NOL4: variants seen among roughly 807,000 people sequenced by gnomAD.
The protein encoded by NOL4 is cancer/testis antigen 125.
A neutral mutation model predicts 75.9 loss-of-function variants in NOL4; 17 were observed. The observed-to-expected ratio is 0.22, with a 90% CI of 0.15 to 0.34. The LOEUF (loss-of-function observed/expected upper bound fraction) is 0.34. NOL4 is among the 10% of genes least tolerant of loss of function. The pLI is 1.00. For missense variants in NOL4, 614 were observed against 793.5 expected, an observed-to-expected ratio of 0.77 and a Z score of 2.72; for synonymous variants, 292 against 289.9, an observed-to-expected ratio of 1.01 and a Z score of -0.07.
chr18:34,027,063 T>C (rs1484876530), intron 5 of NOL4, among the ~76,000 whole-genome samples: 2 of 152,212 alleles, frequency 1.3e-5, no homozygotes, highest in South Asian at 2.1e-4. Flanking sequence ...CTTAATGACA[T>C]GTGTCGCATT....
rs1166897772 is a variant in NOL4 at position 33,957,391 on chromosome 18, C to A, written c.1363G>T (p.Ala455Ser). 1 of 1,613,742 alleles carries A rather than the reference C, an allele frequency of 6.2e-7. No homozygotes were observed. Among genetic ancestry groups the A allele is most frequent in the Admixed American group, 1.7e-5 (1 of 59,978 alleles). ...AGGTAAGTACGTATACGTTTTCTGG[C>A]ACGCTCTTGATACTCAGGGAATTGT... ...RRQFPEYQER[A>S]RKRIRTYLKS... The change falls in exon 8 of 11, where the codon GCC becomes TCC. Residue 455 changes from alanine (A) to serine (S), a missense_variant. Ala to Ser is a moderately conservative substitution (Grantham distance 99, BLOSUM62 1). Transcript: ENST00000261592.
chr18:33,984,471 T>C (rs2072266805), intron 6 of NOL4, among the ~76,000 whole-genome samples: 1 of 152,056 alleles, frequency 6.6e-6, no homozygotes, highest in Admixed American at 6.6e-5. Flanking sequence ...TGGGGCCTGG[T>C]GGGAGGTGAC....
At chr18:33,858,318 A>G (rs1226715612) in intron 10 of NOL4, among the ~76,000 whole-genome samples, 2 of 151,878 alleles carry the variant, frequency 1.3e-5, no homozygotes, top group African/African-American at 4.8e-5. Context: ...AGGCCATTTC[A>G]TTTCTTATTT....
intron 1 of NOL4, among the ~76,000 whole-genome samples, chr18:34,147,047 G>A (rs776373703): frequency 3.0e-4 from 45 of 152,122 alleles, no homozygotes; most frequent in Admixed American, 1.3e-4. Context: ...AGGAATGCTT[G>A]TGATTTTTGC....
chr18:34,012,174 G>T (rs17816647), intron 6 of NOL4, among the ~76,000 whole-genome samples: 1 of 151,744 alleles, frequency 6.6e-6, no homozygotes, highest in Non-Finnish European at 1.5e-5. Flanking sequence ...AAAGGACACT[G>T]ATTTGGGTGT....
intron 6 of NOL4, among the ~76,000 whole-genome samples, chr18:33,987,802 G>C (rs1241867602): frequency 2.0e-5 from 3 of 152,044 alleles, no homozygotes; most frequent in Non-Finnish European, 4.4e-5. Context: ...CTAGAAGGAA[G>C]GGCATAGCAG....
At chr18:34,039,099 A>G (rs973043754) in intron 5 of NOL4, among the ~76,000 whole-genome samples, 11 of 152,012 alleles carry the variant, frequency 7.2e-5, no homozygotes, top group African/African-American at 2.7e-4. Flanking sequence ...AATCTCAGCT[A>G]TATATTATAG....
intron 2 of NOL4, among the ~76,000 whole-genome samples, chr18:34,108,204 A>T (rs1198955364): frequency 6.6e-6 from 1 of 152,190 alleles, no homozygotes; most frequent in Non-Finnish European, 1.5e-5. Context: ...CTGTAAGTAG[A>T]TATGCAAAAG....
intron 9 of NOL4, among the ~76,000 whole-genome samples, chr18:33,922,855 C>T (rs2067119460): frequency 6.6e-6 from 1 of 152,124 alleles, no homozygotes; most frequent in Admixed American, 6.5e-5. Context: ...TGATTCATAA[C>T]ATAAACCAAA....
rs184428533 is a variant in NOL4, at chr18:33,885,266, A to T, written c.1543-1842T>A. 3.7e-4 allele frequency among the ~76,000 whole-genome samples: 57 copies of T among 152,216 alleles called. 1 individual carries two copies. In the East Asian group the frequency reaches 0.01, roughly 27 times the overall value. ...TGTAATTTAAACTCTCGCTATTTAA[A>T]TCATAGAAATCCCAATACCCCACAA... On this transcript the variant is annotated intron_variant, in intron 9 of 10. Coordinates refer to ENST00000261592, the MANE Select transcript of NOL4 (RefSeq NM_003787.5).
intron 1 of NOL4, among the ~76,000 whole-genome samples, chr18:34,142,770 T>C (rs1568388475): frequency 6.6e-6 from 1 of 152,120 alleles, no homozygotes; most frequent in Non-Finnish European, 1.5e-5. Flanking sequence ...ACATGGCACA[T>C]GTATACATAT....
At chr18:33,925,533 A>G (rs1329291364) in intron 9 of NOL4, among the ~76,000 whole-genome samples, 1 of 152,198 alleles carries the variant, frequency 6.6e-6, no homozygotes, top group Non-Finnish European at 1.5e-5. Flanking sequence ...TTGATAGGCA[A>G]TAATTAATGA....
chr18:33,923,271 C>A (rs972637430), intron 9 of NOL4, among the ~76,000 whole-genome samples: 3 of 151,956 alleles, frequency 2.0e-5, no homozygotes, highest in African/African-American at 7.2e-5. Flanking sequence ...AAAGTCATTA[C>A]TTTGAATACA....
rs922091801 is a variant in NOL4 at position 33,953,525 on chromosome 18, G to T, written c.1428+3801C>A. Among the ~76,000 whole-genome samples the T allele has an allele frequency of 2.6e-5, 4 of 151,146 alleles. No individual in the cohort carries two copies. The South Asian group carries it at 6.3e-4, about 24-fold the overall frequency. ...TTTATTTGGGAAACAGAATAAAGGA[G>T]GAATAAGCAGAATTCATTAAGTGGT... On this transcript the variant is annotated intron_variant, in intron 8 of 10. Transcript: ENST00000261592.
chr18:34,138,675 T>C (rs1175791075), intron 1 of NOL4, among the ~76,000 whole-genome samples: 1 of 152,174 alleles, frequency 6.6e-6, no homozygotes, highest in Non-Finnish European at 1.5e-5. Flanking sequence ...TATTTCTTTC[T>C]CCTGCCTGAT....
At chr18:33,897,224 A>G (rs1033052792) in intron 9 of NOL4, among the ~76,000 whole-genome samples, 1 of 152,202 alleles carries the variant, frequency 6.6e-6, no homozygotes, top group African/African-American at 2.4e-5. Flanking sequence ...TCAAAGAGCT[A>G]AAAGCAGAAC....
At chr18:34,058,572 G>T (rs1044552569) in intron 5 of NOL4, among the ~76,000 whole-genome samples, 3 of 152,100 alleles carry the variant, frequency 2.0e-5, no homozygotes, top group Non-Finnish European at 2.9e-5. Context: ...TTTACCATCT[G>T]GGTGTAATGA....
chr18:34,099,181 G>A (rs983216855), intron 4 of NOL4, among the ~76,000 whole-genome samples: 3 of 151,234 alleles, frequency 2.0e-5, no homozygotes, highest in African/African-American at 2.4e-5. Context: ...TGGCCAACAC[G>A]GTGAAACCCC....
intron 10 of NOL4, among the ~76,000 whole-genome samples, chr18:33,876,619 C>G (rs1294594630): frequency 6.6e-6 from 1 of 152,004 alleles, no homozygotes; most frequent in Non-Finnish European, 1.5e-5. Context: ...AAAACTGTTA[C>G]AGGGAATGAC....
Sources: allele counts gnomAD v4.1 joint callset (sites outside exome capture counted in the v4.1 genomes callset), GRCh38; gene constraint gnomAD v4.1.1; transcripts MANE v1.5; gene names NCBI Gene and HGNC (gene_info 2026-07-23, HGNC 2026-07-21).